The following CERS6 variants were observed in gnomAD, a reference collection of about 807,000 sequenced individuals.
CERS6 encodes the protein ceramide synthase 6.
CERS6 carries 26 observed loss-of-function variants against 56.8 expected under a neutral mutation model. The observed-to-expected ratio is 0.46, with a 90% CI of 0.34 to 0.63. CERS6 has a LOEUF of 0.63. Among genes scored for constraint, CERS6 ranks in the 30% least tolerant of loss-of-function variants. CERS6 has a pLI of 0.01. For synonymous variants in CERS6, 164 were observed against 173.3 expected, an observed-to-expected ratio of 0.95 and a Z score of 0.42; for missense variants, 415 against 467.5, an observed-to-expected ratio of 0.89 and a Z score of 1.04.
At chr2:168,661,247 A>G (rs1685622189) in intron 4 of CERS6, among the ~76,000 whole-genome samples, 1 of 152,232 alleles carries the variant, frequency 6.6e-6, no homozygotes, top group African/African-American at 2.4e-5. Flanking sequence ...TAAACTCGCT[A>G]TCATTGATGT....
chr2:168,691,937 T>C (rs981286408), intron 5 of CERS6, among the ~76,000 whole-genome samples: 1 of 152,166 alleles, frequency 6.6e-6, no homozygotes, highest in Non-Finnish European at 1.5e-5. Flanking sequence ...TTGAGGTGTT[T>C]GGTCTTTGGG....
rs557135362 is a variant in CERS6, at chr2:168,531,576, C to T, written c.171-16020C>T. Among the ~76,000 whole-genome samples the T allele has an allele frequency of 6.6e-5, 10 of 152,276 alleles. No individual in the cohort carries two copies. The South Asian group carries it at 1.9e-3, about 28-fold the overall frequency. On this transcript the variant is annotated intron_variant, in intron 1 of 9. Coordinates refer to ENST00000305747, the MANE Select transcript of CERS6 (RefSeq NM_203463.3). ...GTGGCTCACGTCTGTAATCCCAGCA[C>T]TTTGGGAGGCCAAGGCGGGTGGATC...
chr2:168,638,603 A>G (rs1482319747), intron 4 of CERS6, among the ~76,000 whole-genome samples: 2 of 152,236 alleles, frequency 1.3e-5, no homozygotes, highest in Non-Finnish European at 2.9e-5. Flanking sequence ...ATTGCCCAGA[A>G]TAAATTAAAA....
At chr2:168,716,727 G>A (rs993413145) in intron 7 of CERS6, among the ~76,000 whole-genome samples, 7 of 152,038 alleles carry the variant, frequency 4.6e-5, no homozygotes, top group Admixed American at 2.6e-4. Flanking sequence ...GAAGGTAGAA[G>A]GTACCTTTTA....
intron 8 of CERS6, among the ~76,000 whole-genome samples, chr2:168,752,278 A>ATTGTGTGTGTGT: frequency 1.6e-5 from 1 of 61,646 alleles, no homozygotes; most frequent in East Asian, 4.4e-4. Flanking sequence ...TAAAAAAATA[A>ATTGTGTGTGTGT]ATGTGTGTGT....
Position 168,756,982 on chromosome 2 carries a change from A to G in CERS6, c.846-8610A>G, listed in dbSNP as rs539182178. On this transcript the variant is annotated intron_variant, in intron 8 of 9. Transcript: ENST00000305747. ...ATACAAAACCTAAGCGCAGTTCCTA[A>G]CACATAGTTAATGTTCAATAAGTAT... Among the ~76,000 whole-genome samples, 11 of 152,342 alleles carry G rather than the reference A, an allele frequency of 7.2e-5. No individual in the cohort carries two copies. The East Asian group carries it at 1.9e-3, about 27-fold the overall frequency.
intron 1 of CERS6, among the ~76,000 whole-genome samples, chr2:168,539,208 G>A (rs1219919924): frequency 0.034 from 44 of 1,288 alleles, 21 homozygotes; most frequent in Admixed American, 0.2. Flanking sequence ...CTCGTGATCC[G>A]CCCGCCTCGG....
intron 2 of CERS6, among the ~76,000 whole-genome samples, chr2:168,550,290 T>G (rs1695542816): frequency 6.6e-6 from 1 of 152,066 alleles, no homozygotes; most frequent in Non-Finnish European, 1.5e-5. Context: ...ATCCTCTTGC[T>G]TCAGCCTCTC....
chr2:168,465,668 G>T (rs1316476786), intron 1 of CERS6, among the ~76,000 whole-genome samples: 3 of 152,128 alleles, frequency 2.0e-5, no homozygotes, highest in African/African-American at 7.2e-5. Flanking sequence ...CTTATATAAG[G>T]TACCTAGAGT....
chr2:168,576,638 T>A (rs1683276259), intron 3 of CERS6, among the ~76,000 whole-genome samples: 1 of 152,208 alleles, frequency 6.6e-6, no homozygotes, highest in Non-Finnish European at 1.5e-5. Flanking sequence ...TATAAAGAAA[T>A]CCTGTATAAA....
chr2:168,633,146 C>G (rs1684785541), intron 4 of CERS6, among the ~76,000 whole-genome samples: 1 of 148,638 alleles, frequency 6.7e-6, no homozygotes, highest in Non-Finnish European at 1.5e-5. Flanking sequence ...TCAACTGCCT[C>G]TGGTTATAAC....
chr2:168,539,802 C>A (rs1056295379), intron 1 of CERS6, among the ~76,000 whole-genome samples: 15 of 152,176 alleles, frequency 9.9e-5, no homozygotes, highest in Admixed American at 1.3e-4. Context: ...CTCCCCACTT[C>A]TCCTTTATTG....
At chr2:168,685,672 C>A (rs768660426) in intron 4 of CERS6, among the ~76,000 whole-genome samples, 1 of 152,062 alleles carries the variant, frequency 6.6e-6, no homozygotes, top group Admixed American at 6.5e-5. Context: ...TCGATTCTTA[C>A]GTGTGTGGTC....
chr2:168,474,828 T>C (rs1353099943), intron 1 of CERS6, among the ~76,000 whole-genome samples: 1 of 152,198 alleles, frequency 6.6e-6, no homozygotes, highest in Non-Finnish European at 1.5e-5. Flanking sequence ...TATATTCCTT[T>C]ACAACAAATA....
intron 6 of CERS6, among the ~76,000 whole-genome samples, chr2:168,697,568 T>A (rs1686686399): frequency 6.6e-6 from 1 of 151,584 alleles, no homozygotes; most frequent in East Asian, 1.9e-4. Context: ...TTTTTTTTTT[T>A]AACTTGGGAG....
At chr2:168,679,167 A>G (rs1686146199) in intron 4 of CERS6, among the ~76,000 whole-genome samples, 1 of 151,414 alleles carries the variant, frequency 6.6e-6, no homozygotes, top group Admixed American at 6.6e-5. Context: ...AGTAGTTACC[A>G]GAGATTGGGA....
At chr2:168,763,937 A>G (rs1684654551) in intron 8 of CERS6, among the ~76,000 whole-genome samples, 1 of 152,170 alleles carries the variant, frequency 6.6e-6, no homozygotes, top group Non-Finnish European at 1.5e-5. Context: ...ACATGAGTCA[A>G]TTTCCAAGTG....
intron 3 of CERS6, among the ~76,000 whole-genome samples, chr2:168,624,095 G>GA (rs1684535837): frequency 6.6e-6 from 1 of 152,162 alleles, no homozygotes; most frequent in South Asian, 2.1e-4. Context: ...ACACCTGTAA[G>GA]ACCGAATCGT....
At chr2:168,691,375 C>A (rs1003522859) in intron 5 of CERS6, among the ~76,000 whole-genome samples, 15 of 152,164 alleles carry the variant, frequency 9.9e-5, no homozygotes, top group African/African-American at 3.6e-4. Flanking sequence ...CTCCTAACAG[C>A]TGATCTGCTT....
Sources: gnomAD v4.1 joint callset for allele counts (sites outside exome capture counted in the v4.1 genomes callset) on GRCh38, gnomAD v4.1.1 for gene constraint, MANE v1.5 for transcripts, NCBI Gene and HGNC (gene_info 2026-07-23, HGNC 2026-07-21) for gene names.